Variants in DAPK1 observed in about 807,000 individuals in gnomAD.
DAPK1 encodes the protein death-associated protein kinase 1.
DAPK1 carries 56 observed loss-of-function variants against 144.9 expected under a neutral mutation model. That is an observed-to-expected ratio of 0.39 (90% CI 0.31 to 0.48). DAPK1 has a LOEUF of 0.48. Ranked by LOEUF, DAPK1 falls within the 20% of genes least tolerant of loss-of-function variation. The pLI is 0.95. For synonymous variants in DAPK1, 690 were observed against 749.0 expected, an observed-to-expected ratio of 0.92 and a Z score of 1.29; for missense variants, 1,454 against 1,875.4, an observed-to-expected ratio of 0.78 and a Z score of 4.15.
At chr9:87,549,331 A>T (rs1313564962) in intron 2 of DAPK1, among the ~76,000 whole-genome samples, 1 of 152,066 alleles carries the variant, frequency 6.6e-6, no homozygotes, top group Non-Finnish European at 1.5e-5. Flanking sequence ...TTCTTTATCC[A>T]ATCTATCATT....
chr9:87,639,923 G>GAC, intron 7 of DAPK1, 108 bp downstream of exon 7: 1 of 1,173,586 alleles, frequency 8.5e-7, no homozygotes, highest in Non-Finnish European at 1.2e-6. Context: ...GCATGCTTTT[G>GAC]ATGCAAACAT....
At chr9:87,604,777 A>G (rs1828652497) in intron 2 of DAPK1, among the ~76,000 whole-genome samples, 177 bp from the exon 3 acceptor site, 1 of 152,226 alleles carries the variant, frequency 6.6e-6, no homozygotes, top group Non-Finnish European at 1.5e-5. Flanking sequence ...ATTTATAAAG[A>G]AACAGGCTTA....
chr9:87,601,169 A>T (rs982027594), intron 2 of DAPK1, among the ~76,000 whole-genome samples: 1 of 152,184 alleles, frequency 6.6e-6, no homozygotes, highest in Non-Finnish European at 1.5e-5. Context: ...GTCCAATTCA[A>T]ATTAGACCTC....
intron 2 of DAPK1, among the ~76,000 whole-genome samples, chr9:87,543,661 A>AT (rs1196550682): frequency 2.0e-5 from 3 of 152,228 alleles, no homozygotes; most frequent in South Asian, 4.1e-4. Context: ...ATAAGGTAAT[A>AT]AAAACTTGGG....
intron 2 of DAPK1, among the ~76,000 whole-genome samples, chr9:87,541,191 T>C (rs1826036369): frequency 6.6e-6 from 1 of 152,138 alleles, no homozygotes; most frequent in Non-Finnish European, 1.5e-5. Flanking sequence ...GGGAAAGGCT[T>C]ATGTGTTCCT....
chr9:87,497,359 G>T (rs1824203568), upstream of DAPK1: 1 of 152,152 alleles, frequency 6.6e-6, no homozygotes, highest in African/African-American at 2.4e-5. Context: ...GTAAACGTAG[G>T]ACTGATCCTC....
chr9:87,612,826 G>A (rs1247396659), intron 3 of DAPK1, among the ~76,000 whole-genome samples: 1 of 152,142 alleles, frequency 6.6e-6, no homozygotes, highest in Non-Finnish European at 1.5e-5. Context: ...ATAAGATAAG[G>A]AAGAAATGGA....
intron 2 of DAPK1, among the ~76,000 whole-genome samples, chr9:87,590,899 A>G (rs572378554): frequency 1.3e-5 from 2 of 152,164 alleles, no homozygotes; most frequent in Non-Finnish European, 2.9e-5. Flanking sequence ...TATTTGTGCC[A>G]TTCTGTTGTA....
At chr9:87,687,657 A>G (rs1190356145) in intron 21 of DAPK1, among the ~76,000 whole-genome samples, 2 of 152,220 alleles carry the variant, frequency 1.3e-5, no homozygotes, top group Non-Finnish European at 2.9e-5. Flanking sequence ...AAAAATGCAC[A>G]GTAGTGGAAT....
At chr9:87,503,089 C>A (rs146704590) in intron 2 of DAPK1, among the ~76,000 whole-genome samples, 3 of 152,118 alleles carry the variant, frequency 2.0e-5, no homozygotes, top group Admixed American at 2.0e-4. Context: ...AGTGGGGAGA[C>A]ACCTACCCTG....
At chr9:87,518,675 T>C (rs1825174508) in intron 2 of DAPK1, among the ~76,000 whole-genome samples, 1 of 152,192 alleles carries the variant, frequency 6.6e-6, no homozygotes, top group Non-Finnish European at 1.5e-5. Context: ...AACTTTTCTC[T>C]AGCAGTGTCA....
chr9:87,523,015 T>C (rs151303384), intron 2 of DAPK1, among the ~76,000 whole-genome samples: 5 of 152,354 alleles, frequency 3.3e-5, no homozygotes, highest in Admixed American at 3.3e-4. Context: ...GCACATCTTT[T>C]CTCTAGGTTG....
chr9:87,521,240 A>T (rs918782379), intron 2 of DAPK1, among the ~76,000 whole-genome samples: 1 of 152,236 alleles, frequency 6.6e-6, no homozygotes, highest in African/African-American at 2.4e-5. Flanking sequence ...CAACCAGGTC[A>T]TGAAATTCCT....
At chr9:87,549,736 G>A (rs1029429310) in intron 2 of DAPK1, among the ~76,000 whole-genome samples, 4 of 151,986 alleles carry the variant, frequency 2.6e-5, no homozygotes, top group South Asian at 2.1e-4. Context: ...TGTACAACTC[G>A]TAGCAGAGCA....
intron 22 of DAPK1, 116 bp downstream of exon 22, chr9:87,697,320 C>A: frequency 1.5e-6 from 1 of 659,694 alleles, no homozygotes. Context: ...TTGCACCAGG[C>A]CATGAGCAGA....
intron 22 of DAPK1, among the ~76,000 whole-genome samples, chr9:87,697,999 G>A (rs1825319392): frequency 6.6e-6 from 1 of 152,216 alleles, no homozygotes; most frequent in Non-Finnish European, 1.5e-5. Flanking sequence ...TTGACTGAAT[G>A]TGTTATCTTA....
chr9:87,618,727 G>T (rs1380418003), intron 3 of DAPK1, among the ~76,000 whole-genome samples: 4 of 152,178 alleles, frequency 2.6e-5, no homozygotes, highest in Non-Finnish European at 4.4e-5. Context: ...ACACAAAGTA[G>T]CTGCGTGGCT....
At chr9:87,668,277 G>C (rs1324348324) in intron 18 of DAPK1, among the ~76,000 whole-genome samples, 2 of 152,128 alleles carry the variant, frequency 1.3e-5, no homozygotes, top group Non-Finnish European at 2.9e-5. Context: ...TTGGAGAGAG[G>C]GGTTCAGGAC....
chr9:87,595,845 C>T (rs1275500657), intron 2 of DAPK1, among the ~76,000 whole-genome samples: 7 of 152,170 alleles, frequency 4.6e-5, no homozygotes, highest in Admixed American at 2.0e-4. Context: ...CCTCAGTAAA[C>T]TCTGCTTCTC....
Sources: gnomAD v4.1 joint callset for allele counts (sites outside exome capture counted in the v4.1 genomes callset) on GRCh38, gnomAD v4.1.1 for gene constraint, MANE v1.5 for transcripts, NCBI Gene and HGNC (gene_info 2026-07-23, HGNC 2026-07-21) for gene names.